ZBTB38: variants seen among roughly 807,000 people sequenced by gnomAD.
ZBTB38 encodes zinc finger and BTB domain containing 38.
A neutral mutation model predicts 76.8 loss-of-function variants in ZBTB38; 20 were observed. The observed-to-expected ratio is 0.26, with a 90% CI of 0.18 to 0.38. The LOEUF is 0.38. Ranked by LOEUF, ZBTB38 falls within the 10% of genes least tolerant of loss-of-function variation. The pLI, the probability that ZBTB38 is intolerant of heterozygous loss-of-function variation, is 1.00. For missense variants in ZBTB38, 1,082 were observed against 1,482.3 expected, an observed-to-expected ratio of 0.73 and a Z score of 4.43; for synonymous variants, 504 against 544.2, an observed-to-expected ratio of 0.93 and a Z score of 1.03.
rs1310807271 is a variant in ZBTB38, at chr3:141,443,976, A to G, written c.1588A>G (p.Ile530Val). ...FCLETFMTYY[I>V]LKNHQKSFHA... ...TCTTGAAACTTTCATGACCTACTAT[A>G]TACTCAAAAATCATCAGAAGTCTTT... The change falls in exon 6 of 6, where the codon ATA becomes GTA. Residue 530 changes from isoleucine to valine, a missense_variant. This residue lies in a region of ZBTB38 where 60 missense variants were observed against 126.0 expected (regional missense o/e 0.48). Coordinates refer to ENST00000321464, the MANE Select transcript of ZBTB38 (RefSeq NM_001376113.1). The surrounding 1 kb of genome is among the most constrained non-coding windows in gnomAD (Gnocchi z 5.6). The G allele has an allele frequency of 6.2e-7, 1 of 1,614,174 alleles. No homozygotes were observed. The highest frequency in any genetic ancestry group is 8.5e-7 in the Non-Finnish European group (1 of 1,180,028).
At chr3:141,359,370 C>G (rs1044538702) in intron 1 of ZBTB38, among the ~76,000 whole-genome samples, 14 of 152,222 alleles carry the variant, frequency 9.2e-5, no homozygotes, top group Non-Finnish European at 2.1e-4. Context: ...TGGCCAGGAT[C>G]ATGCCACACA....
At position 141,442,241 on chromosome 3, in the gene ZBTB38, C is replaced by T. The variant is rs2080444967; in HGVS notation, c.1-148C>T. ...AAAAAGATTTAGCTTCTAATGTTGA[C>T]TCTTGAGTCTCGGGAGCATCAACAG... On this transcript the variant is annotated intron_variant, in intron 5 of 5. Transcript: ENST00000321464. This position sits in a 1 kb window ranked among gnomAD's most constrained non-coding sequence, Gnocchi z 6.4. 1 of 608,792 alleles carries T rather than the reference C, an allele frequency of 1.6e-6. No individual in the cohort carries two copies. Among genetic ancestry groups the T allele is most frequent in the Non-Finnish European group, 2.9e-6 (1 of 349,970 alleles). 37.7% of individuals were successfully genotyped at this position (608,792 alleles called of 1,614,324 possible). A position where few individuals can be genotyped will look rare whatever the true frequency, so the allele number is the denominator to read the frequency against.
chr3:141,399,970 T>A (rs1024810228), intron 4 of ZBTB38, among the ~76,000 whole-genome samples: 2 of 138,338 alleles, frequency 1.4e-5, no homozygotes, highest in Non-Finnish European at 3.1e-5. Flanking sequence ...AGAGAGGAGA[T>A]AATCTTGAAA....
intron 1 of ZBTB38, among the ~76,000 whole-genome samples, chr3:141,328,269 A>C (rs1284144248): frequency 1.3e-5 from 2 of 152,108 alleles, no homozygotes; most frequent in East Asian, 3.8e-4. Context: ...CCTCAGCCTC[A>C]TCTACCACTT....
chr3:141,377,810 A>G (rs1246259570), intron 2 of ZBTB38, among the ~76,000 whole-genome samples: 1 of 152,226 alleles, frequency 6.6e-6, no homozygotes, highest in East Asian at 1.9e-4. Context: ...CAAATGGATC[A>G]CAAGGGCATT....
intron 5 of ZBTB38, among the ~76,000 whole-genome samples, chr3:141,423,442 A>G (rs1373905808): frequency 6.6e-6 from 1 of 152,220 alleles, no homozygotes; most frequent in Non-Finnish European, 1.5e-5. Flanking sequence ...TGCTGTGTCC[A>G]CTTTATAGTT....
At chr3:141,402,444 A>G (rs1268167911) in intron 4 of ZBTB38, 2 of 151,296 alleles carry the variant, frequency 1.3e-5, no homozygotes, top group Non-Finnish European at 2.9e-5. Context: ...GAAGGAGCCG[A>G]GCCCCGTAAG....
intron 1 of ZBTB38, among the ~76,000 whole-genome samples, chr3:141,361,463 T>C (rs1943823928): frequency 6.6e-6 from 1 of 152,198 alleles, no homozygotes; most frequent in South Asian, 2.1e-4. Flanking sequence ...ATAACAGAAC[T>C]GAGGAAGCTG....
chr3:141,345,722 G>A (rs1314582019), intron 1 of ZBTB38, among the ~76,000 whole-genome samples: 1 of 152,040 alleles, frequency 6.6e-6, no homozygotes, highest in Non-Finnish European at 1.5e-5. Context: ...GTGTGTGTGG[G>A]TGTGTCTTGG....
At chr3:141,343,295 C>A (rs1296069458) in intron 1 of ZBTB38, among the ~76,000 whole-genome samples, 1 of 152,146 alleles carries the variant, frequency 6.6e-6, no homozygotes, top group African/African-American at 2.4e-5. Context: ...TAAACCAACA[C>A]TCCAGTTTAC....
chr3:141,337,169 C>A (rs1943039931), intron 1 of ZBTB38, among the ~76,000 whole-genome samples: 1 of 152,178 alleles, frequency 6.6e-6, no homozygotes, highest in Admixed American at 6.5e-5. Flanking sequence ...ATGTAGGAAC[C>A]TGCATACAAG....
At chr3:141,331,575 A>C (rs1314986248) in intron 1 of ZBTB38, among the ~76,000 whole-genome samples, 1 of 152,154 alleles carries the variant, frequency 6.6e-6, no homozygotes, top group Non-Finnish European at 1.5e-5. Flanking sequence ...TCACACACAA[A>C]TGAGAAGGAA....
intron 5 of ZBTB38, among the ~76,000 whole-genome samples, chr3:141,412,226 C>T (rs745308922): frequency 6.6e-6 from 1 of 151,620 alleles, no homozygotes; most frequent in Non-Finnish European, 1.5e-5. Flanking sequence ...TGTTACTGGT[C>T]GGGAAGAAAA....
At chr3:141,405,815 G>A (rs960477419) in intron 5 of ZBTB38, 2 of 152,200 alleles carry the variant, frequency 1.3e-5, no homozygotes, top group Non-Finnish European at 2.9e-5. Flanking sequence ...TGGTCTCTTC[G>A]CTCTCAGACT....
chr3:141,356,063 G>A (rs996786695), intron 1 of ZBTB38, among the ~76,000 whole-genome samples: 1 of 152,082 alleles, frequency 6.6e-6, no homozygotes, highest in African/African-American at 2.4e-5. Context: ...GCCTATAGGT[G>A]TGTGTTTGTG....
intron 5 of ZBTB38, among the ~76,000 whole-genome samples, chr3:141,417,256 A>G (rs1048318034): frequency 6.6e-6 from 1 of 152,182 alleles, no homozygotes; most frequent in African/African-American, 2.4e-5. Context: ...ACCACCTCCC[A>G]TATGTCATTG....
At chr3:141,398,145 A>T (rs1362986459) in intron 4 of ZBTB38, among the ~76,000 whole-genome samples, 1 of 152,260 alleles carries the variant, frequency 6.6e-6, no homozygotes, top group Admixed American at 6.5e-5. Flanking sequence ...AACAGGTATC[A>T]GGCCAGATGT....
At chr3:141,379,316 G>A (rs1056692945) in intron 2 of ZBTB38, among the ~76,000 whole-genome samples, 24 of 152,080 alleles carry the variant, frequency 1.6e-4, no homozygotes, top group African/African-American at 5.3e-4. Context: ...AATGAAACTC[G>A]AGCTGTATTT....
chr3:141,444,040 C>T lies in ZBTB38; in HGVS notation c.1652C>T (p.Thr551Ile), dbSNP rs761428723. Reference sequence around the variant, plus strand: ...CATAGACTTTCCATCAGTAAAAAAACAGCAAATGGAGGCTTGAAGCCTAGT... The same window carrying T: ...CATAGACTTTCCATCAGTAAAAAAATAGCAAATGGAGGCTTGAAGCCTAGT... ...IDHRLSISKK[T>I]ANGGLKPSVY... The change falls in exon 6 of 6, where the codon ACA (threonine) becomes ATA (isoleucine). Residue 551 changes from threonine (T) to isoleucine (I), a missense_variant. Transcript: ENST00000321464. The surrounding 1 kb of genome is among the most constrained non-coding windows in gnomAD (Gnocchi z 5.1). The T allele has an allele frequency of 1.2e-6, 2 of 1,614,084 alleles. No individual in the cohort carries two copies. The highest frequency in any genetic ancestry group is 1.7e-6 in the Non-Finnish European group (2 of 1,180,024).
Sources: gnomAD v4.1 joint callset for allele counts (sites outside exome capture counted in the v4.1 genomes callset) on GRCh38, gnomAD v4.1.1 for gene constraint, gnomAD v4.1.1 regional missense constraint, Gnocchi (gnomAD v3.1) non-coding constraint, MANE v1.5 for transcripts, NCBI Gene and HGNC (gene_info 2026-07-23, HGNC 2026-07-21) for gene names.